SEZ6L: variants seen among roughly 807,000 people sequenced by gnomAD.
SEZ6L encodes seizure 6-like protein.
A neutral mutation model predicts 106.2 loss-of-function variants in SEZ6L; 37 were observed. The ratio of observed to expected loss-of-function variants is 0.35; its 90% confidence interval spans 0.27 to 0.46. SEZ6L has a LOEUF of 0.46. SEZ6L is among the 20% of genes least tolerant of loss of function. The pLI, the probability that SEZ6L is intolerant of heterozygous loss-of-function variation, is 1.00. For missense variants in SEZ6L, 1,172 were observed against 1,332.8 expected, an observed-to-expected ratio of 0.88 and a Z score of 1.88; for synonymous variants, 541 against 570.4, an observed-to-expected ratio of 0.95 and a Z score of 0.73.
chr22:26,302,697 C>T (rs1044186614), intron 5 of SEZ6L, among the ~76,000 whole-genome samples: 6 of 152,116 alleles, frequency 3.9e-5, no homozygotes, highest in African/African-American at 1.4e-4. Flanking sequence ...TTGGTCTTCA[C>T]GCCTCTCTCA....
In SEZ6L at chr22:26,311,981, C is replaced by G; in HGVS notation, c.1876+19C>G. 6.2e-7 allele frequency: 1 copy of G among 1,605,840 alleles called. No individual in the cohort carries two copies. Among genetic ancestry groups the G allele is most frequent in the Non-Finnish European group, 8.5e-7 (1 of 1,174,416 alleles). On this transcript the variant is annotated intron_variant, in intron 8 of 16. Coordinates refer to ENST00000248933, the MANE Select transcript of SEZ6L (RefSeq NM_021115.5). ...TGCAGAGGTGAGCGGATCCACAACG[C>G]TCTTCCCACGGCACCCCAGGGATCT...
intron 1 of SEZ6L, among the ~76,000 whole-genome samples, chr22:26,228,908 A>T (rs1281432557): frequency 6.6e-6 from 1 of 152,274 alleles, no homozygotes; most frequent in Non-Finnish European, 1.5e-5. Context: ...TTTAAGGTGC[A>T]TCAGAGGATG....
intron 9 of SEZ6L, among the ~76,000 whole-genome samples, chr22:26,331,736 A>T (rs966498448): frequency 2.0e-5 from 3 of 152,192 alleles, no homozygotes; most frequent in African/African-American, 7.2e-5. Flanking sequence ...GTATCCCAGA[A>T]CTTTGGGAGG....
Position 26,316,682 on chromosome 22 carries a change from A to G in SEZ6L, c.2015+2780A>G, listed in dbSNP as rs568725295. On this transcript the variant is annotated intron_variant, in intron 9 of 16. Coordinates refer to ENST00000248933, the MANE Select transcript of SEZ6L (RefSeq NM_021115.5). ...CACCGCCTCTACTAAAAATACAAAA[A>G]TTAGCCAGGCGTGGTGGTGGGTGCC... Among the ~76,000 whole-genome samples the G allele has an allele frequency of 2.0e-5, 3 of 152,064 alleles. No homozygotes were observed. The East Asian group carries it at 5.8e-4, about 29-fold the overall frequency.
chr22:26,239,763 A>T (rs2079057219), intron 1 of SEZ6L, among the ~76,000 whole-genome samples: 1 of 151,820 alleles, frequency 6.6e-6, no homozygotes, highest in Admixed American at 6.6e-5. Flanking sequence ...GTTGTAAAAC[A>T]TTCTCTTTTC....
chr22:26,298,909 C>T (rs2081373488), intron 4 of SEZ6L, 75 bp from the exon 5 acceptor site: 1 of 1,412,304 alleles, frequency 7.1e-7, no homozygotes, highest in Admixed American at 2.3e-5. Context: ...CACAAACTGG[C>T]TCCCAGGATG....
Position 26,310,676 on chromosome 22 carries a change from G to C in SEZ6L, c.1521G>C (p.Thr507=), listed in dbSNP as rs371509981. The C allele has an allele frequency of 6.2e-7, 1 of 1,614,084 alleles. No homozygotes were observed. Among genetic ancestry groups the C allele is most frequent in the Non-Finnish European group, 8.5e-7 (1 of 1,179,988 alleles). Residue 507 remains threonine (T), a synonymous_variant, in exon 7 of 17, where the codon ACG becomes ACC. Transcript: ENST00000248933. The part of the protein sequence containing the change: ...RLLLHDKDRM[T]VHSGQTNKSA... ...TCTCTGCTCCCACTGCCAGGATGAC[G>C]GTTCACAGCGGGCAGACCAACAAGT...
In SEZ6L at chr22:26,171,215, T is replaced by G. The variant is rs148747549; in HGVS notation, c.94+1452T>G. Among the ~76,000 whole-genome samples, 386 of 152,314 alleles carry G rather than the reference T, an allele frequency of 2.5e-3. 2 individuals carry two copies. The highest frequency in any genetic ancestry group is 8.9e-3 in the African/African-American group (369 of 41,574). On this transcript the variant is annotated intron_variant, in intron 1 of 16. Transcript: ENST00000248933. ...CCACCCCTTTTTTATGGGGCAATAA[T>G]GTCCACAATTTACACCAGGTCTGGA...
chr22:26,315,313 C>T (rs771097156), intron 9 of SEZ6L, among the ~76,000 whole-genome samples: 7 of 151,876 alleles, frequency 4.6e-5, no homozygotes, highest in African/African-American at 1.5e-4. Context: ...CATCCTGTCT[C>T]TTCAAAAAAA....
intron 6 of SEZ6L, among the ~76,000 whole-genome samples, chr22:26,308,876 G>A (rs969843983): frequency 2.0e-5 from 3 of 152,112 alleles, no homozygotes; most frequent in African/African-American, 7.2e-5. Flanking sequence ...AAAGGCTTCT[G>A]TTCTTTGAAA....
chr22:26,318,056 C>T (rs1444893784), intron 9 of SEZ6L, among the ~76,000 whole-genome samples: 2 of 146,606 alleles, frequency 1.4e-5, no homozygotes, highest in South Asian at 2.2e-4. Flanking sequence ...ATTCAATTTC[C>T]ATTTTATTTT....
At chr22:26,354,496 G>A (rs938166549) in intron 12 of SEZ6L, among the ~76,000 whole-genome samples, 13 of 152,104 alleles carry the variant, frequency 8.5e-5, no homozygotes, top group Admixed American at 6.6e-4. Context: ...TAAGCCTCCC[G>A]GTTTGTGGTC....
At chr22:26,310,590 T>G (rs1601459533) in intron 6 of SEZ6L, 80 bp from the exon 7 acceptor site, 2 of 1,482,946 alleles carry the variant, frequency 1.3e-6, no homozygotes. Context: ...CCAGAGGCAG[T>G]CGTAGCACAT....
chr22:26,189,286 G>A (rs1414621325), intron 1 of SEZ6L, among the ~76,000 whole-genome samples: 1 of 152,154 alleles, frequency 6.6e-6, no homozygotes, highest in African/African-American at 2.4e-5. Flanking sequence ...TGACTTGTCC[G>A]GGATTTTATG....
intron 1 of SEZ6L, among the ~76,000 whole-genome samples, chr22:26,287,412 G>A (rs1030566259): frequency 3.3e-5 from 5 of 152,094 alleles, no homozygotes; most frequent in Non-Finnish European, 4.4e-5. Context: ...TTGATTGACC[G>A]CTTTTGAGTA....
rs112358000 is a variant in SEZ6L at position 26,369,346 on chromosome 22, G to GTT, written c.2794+3790_2794+3791dup. Reference sequence around the variant, plus strand: ...AATGACTTATATAAGCAGTTCTTTTGTTTTTTTTTTTGAGACAGATTCTCG... The same window carrying GTT: ...AATGACTTATATAAGCAGTTCTTTTGTTTTTTTTTTTTTGAGACAGATTCTCG... On this transcript the variant is annotated intron_variant, in intron 13 of 16. Transcript: ENST00000248933. Among the ~76,000 whole-genome samples the GTT allele has an allele frequency of 4.3e-4, 39 of 91,630 alleles. 7 individuals carry two copies. Among genetic ancestry groups the GTT allele is most frequent in the African/African-American group, 1.3e-3 (32 of 23,930 alleles). 60.1% of individuals were successfully genotyped at this position (91,630 alleles called of 152,430 possible).
chr22:26,350,312 T>C (rs1329809529), intron 11 of SEZ6L, among the ~76,000 whole-genome samples: 1 of 149,918 alleles, frequency 6.7e-6, no homozygotes, highest in African/African-American at 2.5e-5. Flanking sequence ...ACTGCAGCCT[T>C]GACCTGCCAG....
At chr22:26,296,387 T>A (rs893856843) in intron 3 of SEZ6L, among the ~76,000 whole-genome samples, 1 of 152,228 alleles carries the variant, frequency 6.6e-6, no homozygotes, top group African/African-American at 2.4e-5. Context: ...TTTAAATATT[T>A]TCTGAGCACT....
intron 1 of SEZ6L, among the ~76,000 whole-genome samples, chr22:26,248,755 C>T (rs536563086): frequency 1.3e-5 from 2 of 152,238 alleles, no homozygotes; most frequent in East Asian, 3.9e-4. Context: ...TTAGGTTGAC[C>T]TTGCATAAAA....
Sources: gnomAD v4.1 joint callset for allele counts (sites outside exome capture counted in the v4.1 genomes callset) on GRCh38, gnomAD v4.1.1 for gene constraint, MANE v1.5 for transcripts, NCBI Gene and HGNC (gene_info 2026-07-23, HGNC 2026-07-21) for gene names.